NTM: variants seen among roughly 807,000 people sequenced by gnomAD.
The protein encoded by NTM is IgLON family member 2.
In NTM, 13 loss-of-function variants were observed where a neutral mutation model predicts 42.1. That is an observed-to-expected ratio of 0.31 (90% confidence interval 0.20 to 0.49). The LOEUF (loss-of-function observed/expected upper bound fraction) is 0.49, where lower values mean the gene tolerates loss of function less well. Ranked by LOEUF, NTM falls within the 20% of genes least tolerant of loss-of-function variation. The pLI is 0.99. For synonymous variants in NTM, 187 were observed against 179.2 expected, an observed-to-expected ratio of 1.04 and a Z score of -0.35; for missense variants, 373 against 452.8, an observed-to-expected ratio of 0.82 and a Z score of 1.60.
intron 4 of NTM, among the ~76,000 whole-genome samples, chr11:132,236,241 C>T (rs1399569937): frequency 6.6e-6 from 1 of 152,140 alleles, no homozygotes; most frequent in African/African-American, 2.4e-5. Flanking sequence ...CCATTGTAAT[C>T]TTCATTTTAC....
intron 4 of NTM, among the ~76,000 whole-genome samples, chr11:132,283,914 G>T (rs1304065969): frequency 6.6e-6 from 1 of 152,022 alleles, no homozygotes; most frequent in Non-Finnish European, 1.5e-5. Flanking sequence ...TCACCCCAGG[G>T]GCTCTATCTC....
rs544445496 is a variant in NTM, at chr11:131,873,708, TACAC to T, written c.83-37847_83-37844del. Among the ~76,000 whole-genome samples the T allele has an allele frequency of 2.1e-5, 3 of 140,954 alleles. No individual in the cohort carries two copies. The South Asian group carries it at 6.6e-4, about 31-fold the overall frequency. The allele number at this position is 140,954 out of a possible 152,430, so 92.5% of individuals were successfully genotyped here. On this transcript the variant is annotated intron_variant, in intron 1 of 8. Coordinates refer to ENST00000683400, the MANE Select transcript of NTM (RefSeq NM_001352005.2). ...ATATATATACACACATATATATATATACACACACACACTTTTAATGTATATATAT... is the reference window on the plus strand; with the variant it reads ...ATATATATACACACATATATATATATACACACACTTTTAATGTATATATAT...
chr11:131,847,724 A>AT (rs1485644594), intron 1 of NTM, among the ~76,000 whole-genome samples: 1 of 152,052 alleles, frequency 6.6e-6, no homozygotes, highest in African/African-American at 2.4e-5. Flanking sequence ...AAATACCAAA[A>AT]AAAAATAAAA....
chr11:131,474,904 G>A (rs1469330703), intron 1 of NTM, among the ~76,000 whole-genome samples: 5 of 152,198 alleles, frequency 3.3e-5, no homozygotes, highest in African/African-American at 7.2e-5. Flanking sequence ...CAAAGTCCAA[G>A]CTGCTTTATG....
intron 1 of NTM, among the ~76,000 whole-genome samples, chr11:131,677,818 G>A (rs944588817): frequency 6.6e-6 from 1 of 152,208 alleles, no homozygotes; most frequent in Non-Finnish European, 1.5e-5. Flanking sequence ...GCAGAGGCCT[G>A]GCATCCTTGT....
chr11:132,260,200 T>C (rs3133881), intron 4 of NTM, among the ~76,000 whole-genome samples: 72,942 of 151,792 alleles, frequency 0.48, 17,925 homozygotes, highest in Middle Eastern at 0.55. Flanking sequence ...AGTCTTTCTT[T>C]AGTTACCACG....
At chr11:131,938,992 G>C (rs987635217) in intron 2 of NTM, among the ~76,000 whole-genome samples, 1 of 152,194 alleles carries the variant, frequency 6.6e-6, no homozygotes, top group East Asian at 1.9e-4. Flanking sequence ...GCATCAAGAA[G>C]AGTTTGCAGA....
intron 4 of NTM, among the ~76,000 whole-genome samples, chr11:132,226,557 GT>G (rs1473097141): frequency 6.6e-6 from 1 of 152,002 alleles, no homozygotes; most frequent in Non-Finnish European, 1.5e-5. Flanking sequence ...TGATGGGGTT[GT>G]TTTTTTCTTG....
At chr11:131,695,866 G>GTA (rs1312122777) in intron 1 of NTM, among the ~76,000 whole-genome samples, 3 of 152,164 alleles carry the variant, frequency 2.0e-5, no homozygotes, top group Non-Finnish European at 4.4e-5. Flanking sequence ...AACACAGCTA[G>GTA]TATATATCAG....
At chr11:131,840,028 G>C (rs1395260830) in intron 1 of NTM, among the ~76,000 whole-genome samples, 4 of 152,210 alleles carry the variant, frequency 2.6e-5, no homozygotes, top group Non-Finnish European at 5.9e-5. Flanking sequence ...GATGAAAGCT[G>C]TGTTGGGGAG....
intron 4 of NTM, chr11:132,284,398 ATC>A (rs1171328680): frequency 2.0e-5 from 3 of 152,320 alleles, no homozygotes; most frequent in Admixed American, 1.3e-4. Context: ...TTCCCTCTGC[ATC>A]TCTGTGTCCT....
intron 1 of NTM, among the ~76,000 whole-genome samples, chr11:131,732,743 T>C (rs2079855163): frequency 6.6e-6 from 1 of 152,204 alleles, no homozygotes; most frequent in African/African-American, 2.4e-5. Context: ...ACTGGAGTAA[T>C]TCTTAGCGGA....
intron 2 of NTM, among the ~76,000 whole-genome samples, chr11:132,037,094 C>T (rs893530183): frequency 2.0e-5 from 3 of 151,980 alleles, no homozygotes; most frequent in Non-Finnish European, 2.9e-5. Flanking sequence ...AAGTTTGATC[C>T]CTGATGTTGG....
rs73586675 is a variant in NTM at position 132,020,911 on chromosome 11, A to C, written c.167+109263A>C. 2.3e-3 allele frequency among the ~76,000 whole-genome samples: 356 copies of C among 152,088 alleles called. 1 individual carries two copies. The highest frequency in any genetic ancestry group is 8.0e-3 in the African/African-American group (331 of 41,514). On this transcript the variant is annotated intron_variant, in intron 2 of 8. Coordinates refer to ENST00000683400, the MANE Select transcript of NTM (RefSeq NM_001352005.2). Reference sequence around the variant, plus strand: ...TAGTTATCCTACCTTGGATTTGTAGAGTTTTTTAGATATCTAGATTAGTGT... The same window carrying C: ...TAGTTATCCTACCTTGGATTTGTAGCGTTTTTTAGATATCTAGATTAGTGT...
intron 1 of NTM, among the ~76,000 whole-genome samples, chr11:131,745,576 T>A (rs2081719140): frequency 6.6e-6 from 1 of 152,190 alleles, no homozygotes; most frequent in Non-Finnish European, 1.5e-5. Context: ...GTGACACATA[T>A]TGAAAGGATC....
At chr11:132,273,054 G>T (rs539642576) in intron 4 of NTM, among the ~76,000 whole-genome samples, 44 of 152,050 alleles carry the variant, frequency 2.9e-4, no homozygotes, top group African/African-American at 1.0e-3. Flanking sequence ...AAATGTTCTG[G>T]TTCGGATTGA....
intron 1 of NTM, among the ~76,000 whole-genome samples, chr11:131,580,178 C>T: frequency 6.6e-6 from 1 of 152,188 alleles, no homozygotes; most frequent in East Asian, 1.9e-4. Flanking sequence ...TTGGATGCCA[C>T]AAGCAGCTCA....
rs79613710 is a variant in NTM at position 131,465,713 on chromosome 11, T to C, written c.82+94825T>C. On this transcript the variant is annotated intron_variant, in intron 1 of 8. Transcript: ENST00000683400. ...TCTTTTCTTTTGTCAGAATTCCAAATTGGGCCATTGTTAGCACAGACAGAC... is the reference window on the plus strand; with the variant it reads ...TCTTTTCTTTTGTCAGAATTCCAAACTGGGCCATTGTTAGCACAGACAGAC... 1.9e-3 allele frequency among the ~76,000 whole-genome samples: 295 copies of C among 152,322 alleles called. 1 individual carries two copies. Among genetic ancestry groups the C allele is most frequent in the African/African-American group, 6.5e-3 (271 of 41,572 alleles).
intron 2 of NTM, among the ~76,000 whole-genome samples, chr11:131,916,473 G>C (rs554424012): frequency 4.6e-5 from 7 of 152,166 alleles, no homozygotes; most frequent in Non-Finnish European, 5.9e-5. Flanking sequence ...TTTTTCCCGG[G>C]TGAGTTAGGA....
Sources: gnomAD v4.1 joint callset for allele counts (sites outside exome capture counted in the v4.1 genomes callset) on GRCh38, gnomAD v4.1.1 for gene constraint, MANE v1.5 for transcripts, NCBI Gene and HGNC (gene_info 2026-07-23, HGNC 2026-07-21) for gene names.